The following CHMP2B variants were observed in gnomAD, a reference collection of about 807,000 sequenced individuals.
CHMP2B encodes VPS2 homolog B.
In CHMP2B, 22 loss-of-function variants were observed where a neutral mutation model predicts 29.8. The observed-to-expected ratio is 0.74, with a 90% CI of 0.53 to 1.05. CHMP2B has a LOEUF of 1.05. Ranked by LOEUF, CHMP2B falls within the 50% of genes least tolerant of loss-of-function variation. CHMP2B has a pLI of 0.00. For synonymous variants in CHMP2B, 78 were observed against 75.8 expected, an observed-to-expected ratio of 1.03 and a Z score of -0.15; for missense variants, 261 against 252.2, an observed-to-expected ratio of 1.03 and a Z score of -0.24.
At chr3:87,241,311 A>G (rs1706115023) in intron 2 of CHMP2B, among the ~76,000 whole-genome samples, 1 of 152,160 alleles carries the variant, frequency 6.6e-6, no homozygotes, top group Admixed American at 6.5e-5. Context: ...GGGATAATTC[A>G]CATGCAATAA....
chr3:87,244,676 G>A (rs1706181272), intron 2 of CHMP2B, among the ~76,000 whole-genome samples: 1 of 151,904 alleles, frequency 6.6e-6, no homozygotes, highest in African/African-American at 2.4e-5. Context: ...TAGTTAGAGA[G>A]CATACTTTGT....
At chr3:87,243,473 G>C (rs1190158673) in intron 2 of CHMP2B, among the ~76,000 whole-genome samples, 1 of 151,792 alleles carries the variant, frequency 6.6e-6, no homozygotes, top group African/African-American at 2.4e-5. Context: ...ATTTGATTTT[G>C]ATATCAGGGT....
At chr3:87,231,145 C>T (rs2106891039) in intron 1 of CHMP2B, among the ~76,000 whole-genome samples, 1 of 152,124 alleles carries the variant, frequency 6.6e-6, no homozygotes, top group Non-Finnish European at 1.5e-5. Context: ...TGATGGATCC[C>T]AAATTTGTGT....
chr3:87,241,815 T>G (rs1168181874), intron 2 of CHMP2B, among the ~76,000 whole-genome samples: 1 of 152,164 alleles, frequency 6.6e-6, no homozygotes, highest in Non-Finnish European at 1.5e-5. Context: ...CTTGGGTATA[T>G]TCCTGAGAGT....
intron 1 of CHMP2B, among the ~76,000 whole-genome samples, chr3:87,229,548 C>G (rs188983406): frequency 5.3e-4 from 81 of 151,984 alleles, no homozygotes; most frequent in African/African-American, 2.0e-3. Flanking sequence ...TTTTTTTATT[C>G]CCTGTTTTAT....
At position 87,248,271 on chromosome 3, in the gene CHMP2B, C is replaced by A. The variant is rs972729560; in HGVS notation, c.322-1604C>A. ...TGAGATCACGCCACTGCACTCCAGC[C>A]TGGGTGACAGAGAGAGAGACTGTCT... is the stretch of plus-strand genomic sequence containing the variant. On this transcript the variant is annotated intron_variant, in intron 3 of 5. Coordinates refer to ENST00000263780, the MANE Select transcript of CHMP2B (RefSeq NM_014043.4). 2.6e-5 allele frequency among the ~76,000 whole-genome samples: 4 copies of A among 151,566 alleles called. 1 individual carries two copies. The highest frequency in any genetic ancestry group is 2.0e-4 in the Admixed American group (3 of 15,216).
Position 87,253,754 on chromosome 3 carries a change from T to A in CHMP2B, c.574T>A (p.Ser192Thr). The part of the protein sequence containing the change: ...PSAARSLPSA[S>T]TSKATISDEE... ...AGCTGCTCGAAGCTTACCATCTGCC[T>A]CTACTTCAAAGGCTACAATCTCAGA... Residue 192 changes from serine (S) to threonine (T), a missense_variant, in exon 6 of 6, where the codon TCT becomes ACT. By Grantham distance (58) the Ser-to-Thr change is moderately conservative. Coordinates refer to ENST00000263780, the MANE Select transcript of CHMP2B (RefSeq NM_014043.4). 6.2e-7 allele frequency: 1 copy of A among 1,612,636 alleles called. No individual in the cohort carries two copies. The highest frequency in any genetic ancestry group is 8.5e-7 in the Non-Finnish European group (1 of 1,178,888).
rs1378370828 is a variant in CHMP2B at position 87,254,730 on chromosome 3, T to A, written c.*908T>A. On this transcript the variant is annotated 3_prime_UTR_variant, in exon 6 of 6. Coordinates refer to ENST00000263780, the MANE Select transcript of CHMP2B (RefSeq NM_014043.4). ...GTAAGAAAACAATATATTTTGGCCA[T>A]CTAAAAATGAGAATTATAATTATAT... The A allele has an allele frequency of 6.6e-6, 1 of 151,822 alleles. No individual in the cohort carries two copies. Among genetic ancestry groups the A allele is most frequent in the Non-Finnish European group, 1.5e-5 (1 of 67,874 alleles). 9.4% of individuals were successfully genotyped at this position (151,822 alleles called of 1,614,324 possible). A position where few individuals can be genotyped will look rare whatever the true frequency, so the allele number is the denominator to read the frequency against.
intron 4 of CHMP2B, 112 bp downstream of exon 4, chr3:87,250,089 A>C: frequency 1.6e-6 from 1 of 632,336 alleles, no homozygotes; most frequent in South Asian, 2.0e-5. Context: ...GAAACCAAAG[A>C]TGATAGGCTC....
rs1706352201 is a variant in CHMP2B, at chr3:87,253,579, T to C, written c.531+69T>C. On this transcript the variant is annotated intron_variant, in intron 5 of 5. Coordinates refer to ENST00000263780, the MANE Select transcript of CHMP2B (RefSeq NM_014043.4). Reference sequence around the variant, plus strand: ...CCACGTTTGTCACTTAATTGTTTTGTTTTTACTAGGAGGTGCATGGTTTTT... The same window carrying C: ...CCACGTTTGTCACTTAATTGTTTTGCTTTTACTAGGAGGTGCATGGTTTTT... 1.1e-5 allele frequency: 15 copies of C among 1,363,830 alleles called. No individual in the cohort carries two copies. In the Admixed American group the frequency reaches 2.6e-4, roughly 23 times the overall value. The allele number at this position is 1,363,830 out of a possible 1,614,324, so 84.5% of individuals were successfully genotyped here. A position where few individuals can be genotyped will look rare whatever the true frequency, so the allele number is the denominator to read the frequency against.
chr3:87,235,367 A>G (rs115065500), intron 1 of CHMP2B, among the ~76,000 whole-genome samples: 425 of 152,266 alleles, frequency 2.8e-3, no homozygotes, highest in Non-Finnish European at 5.2e-3. Flanking sequence ...GTATATTTCT[A>G]TTGTCTCGTA....
rs1399783261 is a variant in CHMP2B, at chr3:87,245,925, A to G, written c.321+17A>G. ...ACAGCAAAAGTAAGTGAGAGCTTTT[A>G]TATTCATAGATTTTTAATTTTATCA... On this transcript the variant is annotated intron_variant, in intron 3 of 5. Transcript: ENST00000263780. 2 of 1,569,110 alleles carry G rather than the reference A, an allele frequency of 1.3e-6. No individual in the cohort carries two copies. The highest frequency in any genetic ancestry group is 1.7e-6 in the Non-Finnish European group (2 of 1,144,620).
rs1705876370 is a variant in CHMP2B, at chr3:87,229,873, A to T, written c.34+2317A>T. On this transcript the variant is annotated intron_variant, in intron 1 of 5. Coordinates refer to ENST00000263780, the MANE Select transcript of CHMP2B (RefSeq NM_014043.4). ...CATGTAAATTTAAAAGGAAGACAAC[A>T]TTACAGCACTTATTACTATTCAGAG... Among the ~76,000 whole-genome samples, 7 of 152,300 alleles carry T rather than the reference A, an allele frequency of 4.6e-5. No homozygotes were observed. In the South Asian group the frequency reaches 1.2e-3, roughly 27 times the overall value.
chr3:87,248,974 G>A (rs1020514285), intron 3 of CHMP2B, among the ~76,000 whole-genome samples: 2 of 152,126 alleles, frequency 1.3e-5, no homozygotes, highest in African/African-American at 4.8e-5. Flanking sequence ...ATGCAGTCAT[G>A]TCTGGCTTAA....
chr3:87,242,405 T>C (rs994446505), intron 2 of CHMP2B, among the ~76,000 whole-genome samples: 5 of 152,170 alleles, frequency 3.3e-5, no homozygotes, highest in Admixed American at 2.0e-4. Flanking sequence ...TTCTGTATCA[T>C]TGCAGATCTT....
chr3:87,247,312 G>GGACT (rs941813837), intron 3 of CHMP2B, among the ~76,000 whole-genome samples: 2 of 151,978 alleles, frequency 1.3e-5, no homozygotes, highest in African/African-American at 2.4e-5. Flanking sequence ...ATGACTAATG[G>GGACT]GACTATACCT....
Position 87,245,800 on chromosome 3 carries a change from G to A in CHMP2B, c.213G>A (p.Gln71=), listed in dbSNP as rs139126268. The change falls in exon 3 of 6, where the codon CAG becomes CAA. Residue 71 remains glutamine (Q), a synonymous_variant. Transcript: ENST00000263780. ...AACAACTTGTGCATCTACGGAAACA[G>A]AAGACGAGAACTTTTGCTGTAAGTT... ...LAKQLVHLRK[Q]KTRTFAVSSK... 4.3e-5 allele frequency: 70 copies of A among 1,613,724 alleles called. No individual in the cohort carries two copies. Among genetic ancestry groups the A allele is most frequent in the African/African-American group, 3.7e-4 (28 of 74,888 alleles).
chr3:87,230,240 T>G lies in CHMP2B; in HGVS notation c.34+2684T>G, dbSNP rs78704636. 4.4e-3 allele frequency among the ~76,000 whole-genome samples: 664 copies of G among 152,316 alleles called. 46 individuals are homozygous for G. The East Asian group carries it at 0.11, about 26-fold the overall frequency. Reference sequence around the variant, plus strand: ...AGTTCTTTAAACACTATATAATTTTTGTCTGTTAACCTCAGTAAAGACAAA... The same window carrying G: ...AGTTCTTTAAACACTATATAATTTTGGTCTGTTAACCTCAGTAAAGACAAA... On this transcript the variant is annotated intron_variant, in intron 1 of 5. Transcript: ENST00000263780.
intron 1 of CHMP2B, among the ~76,000 whole-genome samples, chr3:87,235,502 G>A (rs1442082880): frequency 3.3e-5 from 5 of 151,946 alleles, no homozygotes; most frequent in Non-Finnish European, 5.9e-5. Flanking sequence ...ATATTAATAG[G>A]CCTATTAACA....
Sources: gnomAD v4.1 joint callset for allele counts (sites outside exome capture counted in the v4.1 genomes callset) on GRCh38, gnomAD v4.1.1 for gene constraint, MANE v1.5 for transcripts, NCBI Gene and HGNC (gene_info 2026-07-23, HGNC 2026-07-21) for gene names.